Variants in ARHGAP24 observed in about 807,000 individuals in gnomAD.
ARHGAP24 encodes Rho GTPase activating protein 24, also known as rho GTPase-activating protein 24.
Under a neutral mutation model 76.4 loss-of-function variants are expected in ARHGAP24, and 50 were observed. The ratio of observed to expected loss-of-function variants is 0.65; its 90% CI spans 0.52 to 0.83. ARHGAP24 has a LOEUF of 0.83. Among genes scored for constraint, ARHGAP24 ranks in the 40% least tolerant of loss-of-function variants. The pLI, the probability that ARHGAP24 is intolerant of heterozygous loss-of-function variation, is 0.00. For missense variants in ARHGAP24, 930 were observed against 914.2 expected, an observed-to-expected ratio of 1.02 and a Z score of -0.22; for synonymous variants, 345 against 323.3, an observed-to-expected ratio of 1.07 and a Z score of -0.72.
At chr4:85,931,771 T>A (rs561104872) in intron 4 of ARHGAP24, among the ~76,000 whole-genome samples, 2 of 152,312 alleles carry the variant, frequency 1.3e-5, no homozygotes, top group South Asian at 4.2e-4. Context: ...AGTTTATGGA[T>A]CAAAATATTT....
intron 9 of ARHGAP24, among the ~76,000 whole-genome samples, chr4:85,996,177 G>A (rs141045434): frequency 1.9e-4 from 29 of 152,302 alleles, no homozygotes; most frequent in Middle Eastern, 6.8e-3. Context: ...GATGAGCTGA[G>A]AGAGGCCATA....
intron 1 of ARHGAP24, among the ~76,000 whole-genome samples, chr4:85,477,347 C>A (rs1722639470): frequency 6.6e-6 from 1 of 152,052 alleles, no homozygotes; most frequent in African/African-American, 2.4e-5. Context: ...GCCTTACATA[C>A]CCTGAATCTG....
At chr4:85,703,825 G>C (rs1199719481) in intron 2 of ARHGAP24, among the ~76,000 whole-genome samples, 2 of 151,968 alleles carry the variant, frequency 1.3e-5, no homozygotes, top group African/African-American at 4.8e-5. Flanking sequence ...TTTAAAGTCA[G>C]GTTTATTGAG....
intron 3 of ARHGAP24, among the ~76,000 whole-genome samples, chr4:85,741,798 A>G (rs1725836592): frequency 6.6e-6 from 1 of 152,236 alleles, no homozygotes; most frequent in Non-Finnish European, 1.5e-5. Flanking sequence ...GAAAAAGATT[A>G]TTGAGAAAAT....
At chr4:85,646,368 TGTAATGTG>T (rs1444254159) in intron 2 of ARHGAP24, among the ~76,000 whole-genome samples, 1 of 152,120 alleles carries the variant, frequency 6.6e-6, no homozygotes, top group Non-Finnish European at 1.5e-5. Flanking sequence ...AGGTGTTAAA[TGTAATGTG>T]GTATTACTCT....
At position 86,000,931 on chromosome 4, in the gene ARHGAP24, G is replaced by A. The variant is rs1485204396; in HGVS notation, c.*209G>A. On this transcript the variant is annotated 3_prime_UTR_variant, in exon 10 of 10. Transcript: ENST00000395184. ...AATGCTACTGTCAAGTGTTACAACT[G>A]GATATGTGTATATAGAGTAGTTTTT... 8.7e-6 allele frequency: 6 copies of A among 687,472 alleles called. No individual in the cohort carries two copies. The highest frequency in any genetic ancestry group is 1.4e-5 in the Non-Finnish European group (6 of 418,856). 42.6% of individuals were successfully genotyped at this position (687,472 alleles called of 1,614,324 possible).
chr4:85,780,350 T>A (rs1164116515), intron 3 of ARHGAP24, among the ~76,000 whole-genome samples: 3 of 152,064 alleles, frequency 2.0e-5, no homozygotes, highest in Non-Finnish European at 4.4e-5. Context: ...ATTTTTGTAA[T>A]TTTGGTAGAG....
chr4:85,723,500 G>A (rs1181992123), intron 3 of ARHGAP24: 2 of 152,174 alleles, frequency 1.3e-5, no homozygotes, highest in Non-Finnish European at 2.9e-5. Flanking sequence ...GATGAACAAA[G>A]CCTAAGAAGT....
At chr4:85,500,967 G>A (rs183893098) in intron 1 of ARHGAP24, among the ~76,000 whole-genome samples, 55 of 151,736 alleles carry the variant, frequency 3.6e-4, no homozygotes, top group East Asian at 2.5e-3. Flanking sequence ...GAGAACATGC[G>A]GTGTTTGGTT....
intron 5 of ARHGAP24, among the ~76,000 whole-genome samples, chr4:85,951,412 C>T (rs1737610249): frequency 6.6e-6 from 1 of 152,006 alleles, no homozygotes; most frequent in South Asian, 2.1e-4. Flanking sequence ...CAACTTTAGT[C>T]ATTGGGATGT....
At chr4:85,701,115 T>G (rs1023749875) in intron 2 of ARHGAP24, among the ~76,000 whole-genome samples, 6 of 152,126 alleles carry the variant, frequency 3.9e-5, no homozygotes, top group African/African-American at 1.4e-4. Flanking sequence ...AAAGAAAAGG[T>G]TTATAGGAAA....
intron 3 of ARHGAP24, among the ~76,000 whole-genome samples, chr4:85,824,937 A>C (rs1648751555): frequency 6.6e-6 from 1 of 152,078 alleles, no homozygotes; most frequent in South Asian, 2.1e-4. Context: ...TAAAAATATA[A>C]AAATTAGCCA....
At chr4:85,858,326 G>A (rs1314196175) in intron 3 of ARHGAP24, among the ~76,000 whole-genome samples, 3 of 152,094 alleles carry the variant, frequency 2.0e-5, no homozygotes, top group Non-Finnish European at 4.4e-5. Flanking sequence ...GTTTTATTTG[G>A]TTGACATTCT....
intron 2 of ARHGAP24, among the ~76,000 whole-genome samples, chr4:85,645,477 C>T (rs1721685712): frequency 6.6e-6 from 1 of 151,936 alleles, no homozygotes; most frequent in Admixed American, 6.6e-5. Context: ...AGAAACTGTA[C>T]CATAGGTAGA....
chr4:85,903,917 T>C (rs967225015), intron 3 of ARHGAP24, among the ~76,000 whole-genome samples: 13 of 152,178 alleles, frequency 8.5e-5, no homozygotes, highest in Non-Finnish European at 1.8e-4. Context: ...TATTTTCCTT[T>C]CTTGAGTTTT....
chr4:85,610,250 T>A (rs755739519), intron 2 of ARHGAP24, among the ~76,000 whole-genome samples: 61 of 151,930 alleles, frequency 4.0e-4, no homozygotes, highest in African/African-American at 9.9e-4. Context: ...GAGACCATCC[T>A]GGCTAACACG....
In ARHGAP24 at chr4:86,001,704, A is replaced by G. The variant is rs529002328; in HGVS notation, c.*982A>G. The G allele has an allele frequency of 1.8e-5, 6 of 335,574 alleles. No homozygotes were observed. The East Asian group carries it at 2.7e-4, about 15-fold the overall frequency. 20.8% of individuals were successfully genotyped at this position (335,574 alleles called of 1,614,324 possible). A position where few individuals can be genotyped will look rare whatever the true frequency, so the allele number is the denominator to read the frequency against. On this transcript the variant is annotated 3_prime_UTR_variant, in exon 10 of 10. Coordinates refer to ENST00000395184, the MANE Select transcript of ARHGAP24 (RefSeq NM_001025616.3). ...CTGCACTTTAGAATACCAGCAGTGA[A>G]ATGGTATTACTGTTTCCCTCTGAGT... is the stretch of plus-strand genomic sequence containing the variant.
At chr4:85,548,930 A>G (rs1183242797) in intron 1 of ARHGAP24, among the ~76,000 whole-genome samples, 2 of 152,064 alleles carry the variant, frequency 1.3e-5, no homozygotes, top group Non-Finnish European at 2.9e-5. Context: ...ACTCTTCTGT[A>G]TCTGGCTTCT....
At chr4:85,537,776 A>G (rs1725528498) in intron 1 of ARHGAP24, among the ~76,000 whole-genome samples, 1 of 152,132 alleles carries the variant, frequency 6.6e-6, no homozygotes, top group Middle Eastern at 3.2e-3. Context: ...GCCCCTAGAG[A>G]CTGATTTACA....
Sources: allele counts gnomAD v4.1 joint callset (sites outside exome capture counted in the v4.1 genomes callset), GRCh38; gene constraint gnomAD v4.1.1; transcripts MANE v1.5; gene names NCBI Gene and HGNC (gene_info 2026-07-23, HGNC 2026-07-21).